LPGAT1: variants seen among roughly 807,000 people sequenced by gnomAD.
LPGAT1 encodes acyl-CoA:lysophosphatidylglycerol acyltransferase 1.
Under a neutral mutation model 47.5 loss-of-function variants are expected in LPGAT1, and 11 were observed. The observed-to-expected ratio is 0.23, with a 90% CI of 0.15 to 0.38. LPGAT1 has a LOEUF of 0.38. Among genes scored for constraint, LPGAT1 ranks in the 10% least tolerant of loss-of-function variants. LPGAT1 has a pLI of 1.00. For synonymous variants in LPGAT1, 138 were observed against 144.2 expected, an observed-to-expected ratio of 0.96 and a Z score of 0.31; for missense variants, 293 against 439.0, an observed-to-expected ratio of 0.67 and a Z score of 2.97.
rs770977186 is a variant in LPGAT1, at chr1:211,783,517, C to G, written c.454-15G>C. On this transcript the variant is annotated splice_polypyrimidine_tract_variant and intron_variant, in intron 4 of 7. Transcript: ENST00000366997. ...TAAGATCTTCCCTAGAAGGTACACA[C>G]ACACGTAATAAGTACAGGTATATCC... 1.2e-6 allele frequency: 2 copies of G among 1,607,650 alleles called. No individual in the cohort carries two copies. Among genetic ancestry groups the G allele is most frequent in the East Asian group, 2.2e-5 (1 of 44,800 alleles).
intron 6 of LPGAT1, among the ~76,000 whole-genome samples, chr1:211,757,350 G>A (rs879775748): frequency 2.0e-5 from 3 of 151,972 alleles, no homozygotes; most frequent in Non-Finnish European, 4.4e-5. Flanking sequence ...TTTAACTGCT[G>A]TATGACTTAC....
Position 211,830,446 on chromosome 1 carries a change from C to G in LPGAT1, c.-28+127G>C. 1.7e-6 allele frequency: 2 copies of G among 1,177,816 alleles called. No homozygotes were observed. Among genetic ancestry groups the G allele is most frequent in the East Asian group, 3.6e-5 (1 of 27,642 alleles). The allele number at this position is 1,177,816 out of a possible 1,614,324, so 73.0% of individuals were successfully genotyped here. ...TCCTCCCCGGGGCCTACCGCGCCCT[C>G]GTCCCTCAGGCCGCTGCCGCCTCCC... is the stretch of plus-strand genomic sequence containing the variant. On this transcript the variant is annotated intron_variant, in intron 1 of 7. Transcript: ENST00000366997. This position sits in a 1 kb window ranked among gnomAD's most constrained non-coding sequence, Gnocchi z 5.9.
Position 211,744,201 on chromosome 1 carries a change from C to T in LPGAT1, c.*5698G>A, listed in dbSNP as rs977644913. On this transcript the variant is annotated 3_prime_UTR_variant, in exon 8 of 8. Coordinates refer to ENST00000366997, the MANE Select transcript of LPGAT1 (RefSeq NM_014873.3). ...GTAGATTAACTATGAGAAGTTTATTCAACACTAATAGTTAAGAAAAAAAGG... is the reference window on the plus strand; with the variant it reads ...GTAGATTAACTATGAGAAGTTTATTTAACACTAATAGTTAAGAAAAAAAGG... The T allele has an allele frequency of 6.6e-6, 1 of 152,092 alleles. No individual in the cohort carries two copies. The highest frequency in any genetic ancestry group is 1.5e-5 in the Non-Finnish European group (1 of 68,020). 9.4% of individuals were successfully genotyped at this position (152,092 alleles called of 1,614,324 possible).
intron 2 of LPGAT1, among the ~76,000 whole-genome samples, chr1:211,828,048 G>C (rs1042886871): frequency 6.6e-6 from 1 of 152,152 alleles, no homozygotes; most frequent in Admixed American, 6.6e-5. Context: ...GCCTAGGCAG[G>C]AAAGAGGGAG....
intron 2 of LPGAT1, among the ~76,000 whole-genome samples, chr1:211,812,311 AAATCT>A (rs1181130136): frequency 6.6e-6 from 1 of 152,236 alleles, no homozygotes; most frequent in Non-Finnish European, 1.5e-5. Flanking sequence ...ATACATGGAA[AAATCT>A]AAGGTTACAA....
chr1:211,826,035 G>T (rs1472740418), intron 2 of LPGAT1, among the ~76,000 whole-genome samples: 1 of 152,114 alleles, frequency 6.6e-6, no homozygotes, highest in African/African-American at 2.4e-5. Context: ...AAACCCCAGT[G>T]TCTTCAGAGT....
intron 2 of LPGAT1, among the ~76,000 whole-genome samples, chr1:211,799,049 A>G (rs1192524020): frequency 6.6e-6 from 1 of 152,176 alleles, no homozygotes; most frequent in Non-Finnish European, 1.5e-5. Context: ...AAAACCTCCT[A>G]ATACATACTT....
intron 2 of LPGAT1, among the ~76,000 whole-genome samples, chr1:211,828,297 A>G (rs1439700815): frequency 6.6e-6 from 1 of 152,170 alleles, no homozygotes; most frequent in African/African-American, 2.4e-5. Flanking sequence ...AATACAATAA[A>G]CGATACAGAA....
intron 4 of LPGAT1, among the ~76,000 whole-genome samples, chr1:211,786,931 T>C (rs1157110911): frequency 6.6e-6 from 1 of 152,096 alleles, no homozygotes; most frequent in Non-Finnish European, 1.5e-5. Flanking sequence ...TAGCTATTAC[T>C]TCATTTAATC....
intron 2 of LPGAT1, among the ~76,000 whole-genome samples, chr1:211,819,147 G>GA (rs1558283959): frequency 1.3e-5 from 2 of 152,228 alleles, no homozygotes; most frequent in East Asian, 1.9e-4. Context: ...GCAACAAGGA[G>GA]AAAAAACTGC....
intron 2 of LPGAT1, among the ~76,000 whole-genome samples, chr1:211,824,132 C>T (rs1226225776): frequency 1.3e-5 from 2 of 152,140 alleles, no homozygotes; most frequent in East Asian, 3.9e-4. Context: ...CAGTGGCTCA[C>T]CACGCCTGTA....
At chr1:211,810,883 C>T (rs914780373) in intron 2 of LPGAT1, among the ~76,000 whole-genome samples, 1 of 152,132 alleles carries the variant, frequency 6.6e-6, no homozygotes, top group Non-Finnish European at 1.5e-5. Flanking sequence ...TATAGGATTA[C>T]TTTTAAAAGT....
chr1:211,830,334 C>T lies in LPGAT1; in HGVS notation c.-28+239G>A, dbSNP rs1020861934. 3 of 1,130,202 alleles carry T rather than the reference C, an allele frequency of 2.7e-6. No homozygotes were observed. The highest frequency in any genetic ancestry group is 3.3e-5 in the African/African-American group (2 of 61,026). The allele number at this position is 1,130,202 out of a possible 1,614,324, so 70.0% of individuals were successfully genotyped here. On this transcript the variant is annotated intron_variant, in intron 1 of 7. Coordinates refer to ENST00000366997, the MANE Select transcript of LPGAT1 (RefSeq NM_014873.3). This position sits in a 1 kb window ranked among gnomAD's most constrained non-coding sequence, Gnocchi z 5.9. The stretch of plus-strand genomic sequence containing the variant: ...GCCCTACTCCCCTCGCGGCTGCCTG[C>T]GGACAGAGGGACGGCGGGGACTCAG...
intron 2 of LPGAT1, among the ~76,000 whole-genome samples, chr1:211,812,054 T>C (rs186346635): frequency 2.6e-5 from 4 of 152,306 alleles, no homozygotes; most frequent in Non-Finnish European, 4.4e-5. Context: ...CTTGACAGGA[T>C]TGTTTTCAAC....
At chr1:211,771,672 T>C (rs1029447809) in intron 6 of LPGAT1, among the ~76,000 whole-genome samples, 9 of 151,966 alleles carry the variant, frequency 5.9e-5, no homozygotes, top group African/African-American at 2.2e-4. Flanking sequence ...CCAGCTAATT[T>C]TTTGTAGTTT....
chr1:211,818,366 T>C (rs1373962997), intron 2 of LPGAT1, among the ~76,000 whole-genome samples: 2 of 152,202 alleles, frequency 1.3e-5, no homozygotes, highest in South Asian at 4.1e-4. Context: ...GTGGTCATCA[T>C]GCAGCTCCAG....
chr1:211,750,944 T>TA lies in LPGAT1; in HGVS notation c.961+16dup. The TA allele has an allele frequency of 6.5e-7, 1 of 1,544,252 alleles. No individual in the cohort carries two copies. The highest frequency in any genetic ancestry group is 8.9e-7 in the Non-Finnish European group (1 of 1,120,034). Reference sequence around the variant, plus strand: ...CTGTTGCTATAATTTAGCAACTATTTAAAGGTTACTGTGTACCTGTTTCAT... The same window carrying TA: ...CTGTTGCTATAATTTAGCAACTATTTAAAAGGTTACTGTGTACCTGTTTCAT... On this transcript the variant is annotated intron_variant, in intron 7 of 7. Transcript: ENST00000366997.
intron 6 of LPGAT1, among the ~76,000 whole-genome samples, chr1:211,775,784 C>T (rs577542803): frequency 1.1e-4 from 16 of 151,742 alleles, no homozygotes; most frequent in Admixed American, 3.3e-4. Flanking sequence ...CAAAATTAGC[C>T]GGGCATGGTG....
intron 2 of LPGAT1, among the ~76,000 whole-genome samples, chr1:211,819,465 C>A (rs1007236317): frequency 2.6e-5 from 4 of 152,066 alleles, no homozygotes; most frequent in African/African-American, 9.7e-5. Flanking sequence ...GTATTACAGC[C>A]TGGGTGACAG....
Sources: gnomAD v4.1 joint callset for allele counts (sites outside exome capture counted in the v4.1 genomes callset) on GRCh38, gnomAD v4.1.1 for gene constraint, Gnocchi (gnomAD v3.1) non-coding constraint, MANE v1.5 for transcripts, NCBI Gene and HGNC (gene_info 2026-07-23, HGNC 2026-07-21) for gene names.